The following STAU1 variants were observed in gnomAD, a reference collection of about 807,000 sequenced individuals.
STAU1 encodes double-stranded RNA-binding protein Staufen homolog 1.
Under a neutral mutation model 62.9 loss-of-function variants are expected in STAU1, and 13 were observed. The ratio of observed to expected loss-of-function variants is 0.21; its 90% CI spans 0.13 to 0.33. The LOEUF is 0.33. STAU1 is among the 10% of genes least tolerant of loss of function. The probability of loss-of-function intolerance (pLI) is 1.00; values close to 1 mark genes in which losing one functional copy is unlikely to be tolerated. For missense variants in STAU1, 571 were observed against 712.1 expected (o/e 0.80, Z 2.25); for synonymous variants, 269 against 265.1 (o/e 1.01, Z -0.14).
chr20:49,147,322 A>C (rs1251167818), intron 5 of STAU1, among the ~76,000 whole-genome samples: 6 of 152,226 alleles, frequency 3.9e-5, no homozygotes, highest in African/African-American at 1.4e-4. Context: ...CTCAGGGTCT[A>C]GCACAGCGCC....
the STAU1 span, among the ~76,000 whole-genome samples, chr20:49,198,073 C>G: frequency 6.6e-6 from 1 of 152,118 alleles, no homozygotes; most frequent in African/African-American, 2.4e-5. Flanking sequence ...GGCAAAAGAT[C>G]TGTACAGACA....
chr20:49,136,547 C>T (rs140178366), intron 5 of STAU1, among the ~76,000 whole-genome samples: 10 of 152,302 alleles, frequency 6.6e-5, no homozygotes, highest in African/African-American at 1.9e-4. Context: ...CACTGCTGCT[C>T]GGAACAGTGA....
At chr20:49,185,935 G>A (rs1729854094) in intron 1 of STAU1, among the ~76,000 whole-genome samples, 1 of 151,624 alleles carries the variant, frequency 6.6e-6, no homozygotes, top group African/African-American at 2.4e-5. Flanking sequence ...TCCACCTCCC[G>A]GGTTCAAGCG....
the STAU1 span, among the ~76,000 whole-genome samples, chr20:49,206,433 T>TTC: frequency 7.1e-6 from 1 of 141,700 alleles, no homozygotes; most frequent in African/African-American, 2.7e-5. Context: ...TTTTTTTTTT[T>TTC]TTTTTTGAGG....
In STAU1 at chr20:49,151,170, T is replaced by C. The variant is rs1046835021; in HGVS notation, c.510+412A>G. On this transcript the variant is annotated intron_variant, in intron 5 of 13. Transcript: ENST00000371856. The stretch of plus-strand genomic sequence containing the variant: ...GCAAAAGGTAACTGGCGCTTCTATA[T>C]AATCAAGAGTGGCTGGTAAAAAACA... Among the ~76,000 whole-genome samples the C allele has an allele frequency of 1.6e-4, 25 of 152,168 alleles. 1 individual carries two copies. The highest frequency in any genetic ancestry group is 5.8e-4 in the African/African-American group (24 of 41,448).
intron 1 of STAU1, among the ~76,000 whole-genome samples, chr20:49,180,229 G>T (rs1325335793): frequency 6.6e-6 from 1 of 152,066 alleles, no homozygotes; most frequent in Non-Finnish European, 1.5e-5. Context: ...AAGTTAATTG[G>T]AAGCTTAGTT....
At chr20:49,206,168 AT>A in the STAU1 span, among the ~76,000 whole-genome samples, 1 of 110,154 alleles carries the variant, frequency 9.1e-6, no homozygotes, top group Non-Finnish European at 1.9e-5. Flanking sequence ...TTTTTTTTGT[AT>A]TTTTTGTAAG....
At position 49,181,763 on chromosome 20, in the gene STAU1, C is replaced by CAAAAAAAAAAAA. The variant is rs1309573018; in HGVS notation, c.-160+6352_-160+6353insTTTTTTTTTTTT. Among the ~76,000 whole-genome samples, 11 of 66,708 alleles carry CAAAAAAAAAAAA rather than the reference C, an allele frequency of 1.6e-4. 2 individuals are homozygous for CAAAAAAAAAAAA. The highest frequency in any genetic ancestry group is 3.7e-4 in the Admixed American group (2 of 5,364). 43.8% of individuals were successfully genotyped at this position (66,708 alleles called of 152,430 possible). On this transcript the variant is annotated intron_variant, in intron 1 of 13. Transcript: ENST00000371856. ...CCTGGGCAACAGAGCAAGACTATCT[C>CAAAAAAAAAAAA]AACAAAAAAAAAAAAAAAAAAAAAA...
chr20:49,137,892 C>A (rs927925769), intron 5 of STAU1, among the ~76,000 whole-genome samples: 2 of 146,286 alleles, frequency 1.4e-5, no homozygotes, highest in African/African-American at 5.1e-5. Context: ...CTTGGCCAGG[C>A]TATTCTCGAA....
At chr20:49,195,085 G>C in the STAU1 span, among the ~76,000 whole-genome samples, 1 of 152,126 alleles carries the variant, frequency 6.6e-6, no homozygotes, top group Non-Finnish European at 1.5e-5. Flanking sequence ...TCAATTCATT[G>C]ACTCAGGAAA....
the STAU1 span, among the ~76,000 whole-genome samples, chr20:49,218,520 C>T: frequency 1.3e-5 from 2 of 151,736 alleles, no homozygotes; most frequent in African/African-American, 4.9e-5. Flanking sequence ...CCACCACGCC[C>T]AGCCAACACG....
the STAU1 span, among the ~76,000 whole-genome samples, chr20:49,218,877 C>T: frequency 1.3e-5 from 2 of 151,568 alleles, no homozygotes; most frequent in Non-Finnish European, 2.9e-5. Flanking sequence ...CTCCGCCGGG[C>T]GTGGTGGTGG....
chr20:49,189,524 G>T (rs2093826134), upstream of STAU1, among the ~76,000 whole-genome samples: 1 of 150,196 alleles, frequency 6.7e-6, no homozygotes, highest in Admixed American at 6.7e-5. Flanking sequence ...GGAGGCTGAG[G>T]CAGGAGAATC....
intron 6 of STAU1, among the ~76,000 whole-genome samples, chr20:49,133,378 G>A (rs1216078968): frequency 6.6e-6 from 1 of 152,164 alleles, no homozygotes; most frequent in East Asian, 1.9e-4. Flanking sequence ...AAGCCAGCCA[G>A]GCATCTCCCA....
rs1171534142 is a variant in STAU1 at position 49,125,198 on chromosome 20, CAAAAAAAAAAAAAAA to C, written c.610-626_610-612del. 2.7e-3 allele frequency among the ~76,000 whole-genome samples: 91 copies of C among 33,738 alleles called. 3 individuals are homozygous for C. The highest frequency in any genetic ancestry group is 0.019 in the South Asian group (11 of 574). 22.1% of individuals were successfully genotyped at this position (33,738 alleles called of 152,430 possible). On this transcript the variant is annotated intron_variant, in intron 6 of 13. Coordinates refer to ENST00000371856, the MANE Select transcript of STAU1 (RefSeq NM_017453.4). ...ACACACATTTATAAGCTCATTTTTG[CAAAAAAAAAAAAAAA>C]AAAAAAAAAAACGAAGGATAAAAAA...
chr20:49,182,685 A>G (rs1390613879), intron 1 of STAU1, among the ~76,000 whole-genome samples: 1 of 152,130 alleles, frequency 6.6e-6, no homozygotes, highest in Non-Finnish European at 1.5e-5. Flanking sequence ...AAAAACACAA[A>G]AAAATTAGCC....
At chr20:49,175,489 T>G (rs539242083) in intron 1 of STAU1, among the ~76,000 whole-genome samples, 1 of 151,348 alleles carries the variant, frequency 6.6e-6, no homozygotes, top group South Asian at 2.1e-4. Flanking sequence ...TTTGTTCAGG[T>G]TTTTTTTTGA....
chr20:49,131,249 G>C (rs1340192476), intron 6 of STAU1, among the ~76,000 whole-genome samples: 1 of 152,184 alleles, frequency 6.6e-6, no homozygotes, highest in Non-Finnish European at 1.5e-5. Flanking sequence ...AGACTAAAGA[G>C]AAAGGTCAGC....
intron 3 of STAU1, among the ~76,000 whole-genome samples, chr20:49,157,671 G>A (rs1018600766): frequency 2.0e-5 from 3 of 151,970 alleles, no homozygotes; most frequent in Non-Finnish European, 4.4e-5. Flanking sequence ...GTAGGGATGG[G>A]GTTTCACCAT....
Sources: allele counts gnomAD v4.1 joint callset (sites outside exome capture counted in the v4.1 genomes callset), GRCh38; gene constraint gnomAD v4.1.1; transcripts MANE v1.5; gene names NCBI Gene and HGNC (gene_info 2026-07-23, HGNC 2026-07-21).